The following WDR26 variants were observed in gnomAD, a reference collection of about 807,000 sequenced individuals.
WDR26 encodes the protein WD repeat-containing protein 26.
WDR26 carries 5 observed loss-of-function variants against 84.1 expected under a neutral mutation model. The observed-to-expected ratio is 0.06, with a 90% CI of 0.03 to 0.13. The LOEUF is 0.13. Ranked by LOEUF, WDR26 falls within the 10% of genes least tolerant of loss-of-function variation. The pLI, the probability that WDR26 is intolerant of heterozygous loss-of-function variation, is 1.00. For missense variants in WDR26, 642 were observed against 974.9 expected (o/e 0.66, Z 4.55); for synonymous variants, 415 against 389.6 (o/e 1.07, Z -0.77).
rs1231617661 is a variant in WDR26, at chr1:224,388,787, T to C, written c.*1048A>G. Reference sequence around the variant, plus strand: ...GGTTGTATCGCTGATTCCTACTCTTTTGCTAGATCACACCAAAATTACTTC... The same window carrying C: ...GGTTGTATCGCTGATTCCTACTCTTCTGCTAGATCACACCAAAATTACTTC... On this transcript the variant is annotated 3_prime_UTR_variant, in exon 14 of 14. Coordinates refer to ENST00000414423, the MANE Select transcript of WDR26 (RefSeq NM_001379403.1). The C allele has an allele frequency of 6.6e-6, 1 of 152,618 alleles. No individual in the cohort carries two copies. Among genetic ancestry groups the C allele is most frequent in the African/African-American group, 2.4e-5 (1 of 41,446 alleles). The allele number at this position is 152,618 out of a possible 1,614,324, so 9.5% of individuals were successfully genotyped here.
chr1:224,421,582 T>A (rs2102916279), intron 4 of WDR26, among the ~76,000 whole-genome samples: 1 of 151,872 alleles, frequency 6.6e-6, no homozygotes, highest in South Asian at 2.1e-4. Flanking sequence ...GGAGAGAGAC[T>A]CTGTCTCAAA....
chr1:224,434,226 G>C lies in WDR26; in HGVS notation c.180C>G (p.Ser60=), dbSNP rs1032102474. 188 of 1,390,048 alleles carry C rather than the reference G, an allele frequency of 1.4e-4. 2 individuals are homozygous for C. Among genetic ancestry groups the C allele is most frequent in the South Asian group, 7.9e-4 (45 of 57,218 alleles). The allele number at this position is 1,390,048 out of a possible 1,614,324, so 86.1% of individuals were successfully genotyped here. ...CCACGGAGGAGGAGGAGGAGGAGGA[G>C]GACGAGGACGACGAGGACGGAGGGG... The change falls in exon 1 of 14, where the codon TCC becomes TCG. Residue 60 remains serine (S), a synonymous_variant. Coordinates refer to ENST00000414423, the MANE Select transcript of WDR26 (RefSeq NM_001379403.1).
At position 224,431,880 on chromosome 1, in the gene WDR26, G is replaced by A. The variant is rs1572220108; in HGVS notation, c.723-99C>T. 4.6e-5 allele frequency: 43 copies of A among 944,190 alleles called. No individual in the cohort carries two copies. The East Asian group carries it at 1.2e-3, about 26-fold the overall frequency. 58.5% of individuals were successfully genotyped at this position (944,190 alleles called of 1,614,324 possible). A position where few individuals can be genotyped will look rare whatever the true frequency, so the allele number is the denominator to read the frequency against. On this transcript the variant is annotated intron_variant, in intron 1 of 13. Transcript: ENST00000414423. Reference sequence around the variant, plus strand: ...ATGAAAACAGATGCAAAGTTTTTAAGCTAGCCTCATGATGAAGAAAAAAAT... The same window carrying A: ...ATGAAAACAGATGCAAAGTTTTTAAACTAGCCTCATGATGAAGAAAAAAAT...
At chr1:224,407,316 T>C (rs1375966377) in intron 7 of WDR26, among the ~76,000 whole-genome samples, 3 of 147,192 alleles carry the variant, frequency 2.0e-5, no homozygotes, top group African/African-American at 7.4e-5. Flanking sequence ...TTGTGGAGCC[T>C]ATATGACCTT....
intron 6 of WDR26, among the ~76,000 whole-genome samples, chr1:224,413,593 C>A (rs553235681): frequency 6.6e-6 from 1 of 152,176 alleles, no homozygotes; most frequent in African/African-American, 2.4e-5. Flanking sequence ...GTACTATTAT[C>A]CCCATTTTCA....
Position 224,434,580 on chromosome 1 carries a change from C to G in WDR26, c.-175G>C, listed in dbSNP as rs920793486. On this transcript the variant is annotated 5_prime_UTR_variant, in exon 1 of 14. Coordinates refer to ENST00000414423, the MANE Select transcript of WDR26 (RefSeq NM_001379403.1). Reference sequence around the variant, plus strand: ...GAGGATCCGGGCCCTTTCCCCCCCCCCTCCCGGAGGCAGCTCGGGGTGCGC... The same window carrying G: ...GAGGATCCGGGCCCTTTCCCCCCCCGCTCCCGGAGGCAGCTCGGGGTGCGC... The G allele has an allele frequency of 3.1e-4, 147 of 481,032 alleles. No individual in the cohort carries two copies. Among genetic ancestry groups the G allele is most frequent in the Non-Finnish European group, 3.5e-4 (130 of 372,366 alleles). The allele number at this position is 481,032 out of a possible 1,614,324, so 29.8% of individuals were successfully genotyped here.
intron 13 of WDR26, 46 bp from the exon 14 acceptor site, chr1:224,389,906 G>GTGGT: frequency 6.4e-6 from 3 of 470,788 alleles, no homozygotes; most frequent in Non-Finnish European, 1.2e-5. Context: ...GCGGGGGAGG[G>GTGGT]AAGAGGGGAA....
chr1:224,395,065 T>C (rs1165509629), intron 12 of WDR26, among the ~76,000 whole-genome samples: 2 of 152,178 alleles, frequency 1.3e-5, no homozygotes, highest in Admixed American at 6.5e-5. Flanking sequence ...ATAGAGAGTA[T>C]TGGTTGAGAG....
At chr1:224,430,311 G>A (rs1202159063) in intron 3 of WDR26, 3 of 151,842 alleles carry the variant, frequency 2.0e-5, no homozygotes, top group African/African-American at 7.3e-5. Context: ...TTAGTCAACA[G>A]TAGTTTAAAA....
intron 13 of WDR26, among the ~76,000 whole-genome samples, chr1:224,390,695 G>A (rs1473712872): frequency 2.6e-5 from 4 of 151,816 alleles, no homozygotes; most frequent in Non-Finnish European, 5.9e-5. Context: ...CTTTGAACCC[G>A]GGAGGCGGAG....
intron 13 of WDR26, among the ~76,000 whole-genome samples, chr1:224,390,792 C>CA (rs1032009285): frequency 7.3e-5 from 11 of 151,232 alleles, no homozygotes; most frequent in East Asian, 1.9e-4. Flanking sequence ...AACACAAAAA[C>CA]AAAAAAAACA....
chr1:224,419,512 T>C lies in WDR26; in HGVS notation c.1162+6A>G. ...ACACAGCAACATAAAAAATTAAGAC[T>C]CTTACTCTGAAGTTTATCCAATAGT... On this transcript the variant is annotated splice_donor_region_variant and intron_variant, in intron 5 of 13. Transcript: ENST00000414423. The C allele has an allele frequency of 1.9e-6, 3 of 1,610,410 alleles. No individual in the cohort carries two copies. The highest frequency in any genetic ancestry group is 2.5e-6 in the Non-Finnish European group (3 of 1,176,678).
In WDR26 at chr1:224,433,778, G is replaced by C. The variant is rs759791719; in HGVS notation, c.628C>G (p.Leu210Val). 3 of 1,536,846 alleles carry C rather than the reference G, an allele frequency of 2.0e-6. No homozygotes were observed. The African/African-American group carries it at 4.1e-5, about 21-fold the overall frequency. Residue 210 changes from leucine (L) to valine (V), a missense_variant, in exon 1 of 14, where the codon CTG becomes GTG. Coordinates refer to ENST00000414423, the MANE Select transcript of WDR26 (RefSeq NM_001379403.1). ...TTCTTCTTCTTGAGGCTGCTGCCCA[G>C]TTCTGGGGTGGCCAAGGAAGAGGAG...
intron 12 of WDR26, among the ~76,000 whole-genome samples, chr1:224,396,772 A>G (rs1017916896): frequency 2.0e-5 from 3 of 152,190 alleles, no homozygotes; most frequent in Admixed American, 1.3e-4. Context: ...CAGCCTGGGT[A>G]ACGCGGTGAA....
At chr1:224,413,764 T>C (rs774521939) in intron 6 of WDR26, among the ~76,000 whole-genome samples, 24 of 152,196 alleles carry the variant, frequency 1.6e-4, no homozygotes, top group Non-Finnish European at 2.8e-4. Context: ...TCCAATCAAA[T>C]AAGCAATTTC....
At chr1:224,401,314 A>G (rs1673406925) in intron 8 of WDR26, among the ~76,000 whole-genome samples, 1 of 152,210 alleles carries the variant, frequency 6.6e-6, no homozygotes, top group Non-Finnish European at 1.5e-5. Context: ...TGATGAGATA[A>G]ACTTCAATAA....
chr1:224,433,484 CTA>C (rs1003093262), intron 1 of WDR26, among the ~76,000 whole-genome samples, 198 bp downstream of exon 1: 4 of 152,102 alleles, frequency 2.6e-5, no homozygotes, highest in Non-Finnish European at 5.9e-5. Flanking sequence ...TGATTTTCCC[CTA>C]TTTCCTTTCA....
chr1:224,415,295 T>G (rs1241313212), intron 6 of WDR26, among the ~76,000 whole-genome samples: 2 of 152,018 alleles, frequency 1.3e-5, no homozygotes, highest in Non-Finnish European at 2.9e-5. Flanking sequence ...GTTTCGGACA[T>G]GCTGTGTTTA....
chr1:224,421,630 A>G (rs1464804458), intron 4 of WDR26, among the ~76,000 whole-genome samples: 1 of 152,214 alleles, frequency 6.6e-6, no homozygotes, highest in African/African-American at 2.4e-5. Context: ...GTCAGCTACC[A>G]TATCAAAACA....
Sources: allele counts gnomAD v4.1 joint callset (sites outside exome capture counted in the v4.1 genomes callset), GRCh38; gene constraint gnomAD v4.1.1; transcripts MANE v1.5; gene names NCBI Gene and HGNC (gene_info 2026-07-23, HGNC 2026-07-21).